Variants in IL1R2 observed in about 807,000 individuals in gnomAD.
IL1R2 encodes interleukin 1 receptor type 2.
In IL1R2, 46 loss-of-function variants were observed where a neutral mutation model predicts 39.5. That is an observed-to-expected ratio of 1.16 (90% CI 0.92 to 1.49). IL1R2 has a LOEUF of 1.49. Ranked by LOEUF, IL1R2 falls within the 40% of genes most tolerant of loss-of-function variation. The probability of loss-of-function intolerance (pLI) is 0.00; values close to 1 mark genes in which losing one functional copy is unlikely to be tolerated. For synonymous variants in IL1R2, 207 were observed against 189.6 expected, an observed-to-expected ratio of 1.09 and a Z score of -0.75; for missense variants, 537 against 502.0, an observed-to-expected ratio of 1.07 and a Z score of -0.67.
chr2:102,003,213 TCTGTGTCTGTGTCTGGCTGTGG>T (rs1264288410), intron 1 of IL1R2, among the ~76,000 whole-genome samples: 5 of 151,508 alleles, frequency 3.3e-5, no homozygotes, highest in Admixed American at 1.3e-4. Context: ...TATGTCTATA[TCTGTGTCTGTGTCTGGCTGTGG>T]CTGTGTCTGT....
chr2:102,006,336 C>T (rs922655427), intron 1 of IL1R2, among the ~76,000 whole-genome samples: 2 of 152,112 alleles, frequency 1.3e-5, no homozygotes, highest in African/African-American at 2.4e-5. Context: ...TTCAGAAACT[C>T]GTGAAGAATA....
chr2:102,009,405 C>G (rs1411499112), intron 2 of IL1R2, among the ~76,000 whole-genome samples, 157 bp from the exon 3 acceptor site: 2 of 152,136 alleles, frequency 1.3e-5, no homozygotes, highest in African/African-American at 4.8e-5. Flanking sequence ...AATAGTACCC[C>G]AGGGTGTAGG....
chr2:102,014,309 T>G (rs1420007248), intron 3 of IL1R2, among the ~76,000 whole-genome samples: 2 of 152,182 alleles, frequency 1.3e-5, no homozygotes. Context: ...TCCTACTTCA[T>G]GGGGGCTGGA....
chr2:102,026,675 A>G (rs1424150722), intron 8 of IL1R2, among the ~76,000 whole-genome samples: 3 of 152,208 alleles, frequency 2.0e-5, no homozygotes, highest in Non-Finnish European at 2.9e-5. Context: ...GGGCAGCTTT[A>G]GGGTCAAAGT....
intron 1 of IL1R2, among the ~76,000 whole-genome samples, chr2:102,001,271 G>A (rs1287234318): frequency 6.6e-6 from 1 of 152,194 alleles, no homozygotes; most frequent in East Asian, 1.9e-4. Context: ...TAGCGAGAAG[G>A]GATGTTTGCT....
intron 6 of IL1R2, 105 bp downstream of exon 6, chr2:102,022,354 G>A: frequency 3.3e-6 from 3 of 907,270 alleles, no homozygotes; most frequent in Non-Finnish European, 5.5e-6. Context: ...CCTGCTCCTT[G>A]GGTGCAATGT....
chr2:101,996,805 C>A (rs559628369), intron 1 of IL1R2, among the ~76,000 whole-genome samples: 7 of 151,252 alleles, frequency 4.6e-5, no homozygotes, highest in African/African-American at 1.7e-4. Flanking sequence ...ATAATATATA[C>A]TGCTATAATA....
At position 102,009,644 on chromosome 2, in the gene IL1R2, C is replaced by T. The variant is rs781271835; in HGVS notation, c.150C>T (p.Cys50=). The T allele has an allele frequency of 6.2e-7, 1 of 1,613,960 alleles. No individual in the cohort carries two copies. Among genetic ancestry groups the T allele is most frequent in the Non-Finnish European group, 8.5e-7 (1 of 1,179,968 alleles). ...RLEGEPVALR[C]PQVPYWLWAS... is the part of the protein sequence containing the mutation. Reference sequence around the variant, plus strand: ...AAGGGGAGCCTGTAGCCCTGAGGTGCCCCCAGGTGCCCTACTGGTTGTGGG... The same window carrying T: ...AAGGGGAGCCTGTAGCCCTGAGGTGTCCCCAGGTGCCCTACTGGTTGTGGG... Residue 50 remains cysteine (C), a synonymous_variant, in exon 3 of 9, where the codon TGC becomes TGT. Coordinates refer to ENST00000332549, the MANE Select transcript of IL1R2 (RefSeq NM_004633.4).
At chr2:102,022,322 A>G in intron 6 of IL1R2, 73 bp downstream of exon 6, 6 of 1,291,886 alleles carry the variant, frequency 4.6e-6, no homozygotes, top group Non-Finnish European at 5.6e-6. Context: ...GGGGCTTGGG[A>G]CCCTTGCGTC....
At chr2:102,023,961 A>G (rs1677557330) in intron 6 of IL1R2, among the ~76,000 whole-genome samples, 1 of 151,670 alleles carries the variant, frequency 6.6e-6, no homozygotes, top group Non-Finnish European at 1.5e-5. Flanking sequence ...AGGCAGGAGA[A>G]TGGCGTGAAC....
At chr2:101,994,992 G>A (rs1179127272) in intron 1 of IL1R2, among the ~76,000 whole-genome samples, 1 of 152,202 alleles carries the variant, frequency 6.6e-6, no homozygotes, top group African/African-American at 2.4e-5. Flanking sequence ...AGATGACTCT[G>A]GCTGATCCAT....
At chr2:102,003,811 CTGTGTCTGTGT>C (rs1355949118) in intron 1 of IL1R2, among the ~76,000 whole-genome samples, 75 of 108,066 alleles carry the variant, frequency 6.9e-4, no homozygotes, top group African/African-American at 1.4e-3. Flanking sequence ...TGTGGCTGTG[CTGTGTCTGTGT>C]CTGTGTCTGT....
chr2:102,015,870 G>T lies in IL1R2; in HGVS notation c.333-1G>T. The T allele has an allele frequency of 1.2e-6, 2 of 1,608,122 alleles. No individual in the cohort carries two copies. The highest frequency in any genetic ancestry group is 8.5e-7 in the Non-Finnish European group (1 of 1,175,574). ...TATCTTTTTTTTCCCTTTTAAATCA[G>T]AAATGCTTCTTACTGTGACAAAATG... On this transcript the variant is annotated splice_acceptor_variant, in intron 3 of 8. Transcript: ENST00000332549. LOFTEE classifies it high-confidence loss of function.
At chr2:102,000,342 C>T (rs1675791829) in intron 1 of IL1R2, among the ~76,000 whole-genome samples, 1 of 152,212 alleles carries the variant, frequency 6.6e-6, no homozygotes, top group Admixed American at 6.5e-5. Flanking sequence ...ACCTGCCCAC[C>T]ACCCTGCTGC....
rs568754902 is a variant in IL1R2 at position 102,006,941 on chromosome 2, C to T, written c.-61-1574C>T. The stretch of plus-strand genomic sequence containing the variant: ...TTTCGCCATCCCCAAAGAGGATCAT[C>T]TCCCAGGAAGCTTACTGGTCCAAGG... On this transcript the variant is annotated intron_variant, in intron 1 of 8. Transcript: ENST00000332549. 9.8e-4 allele frequency among the ~76,000 whole-genome samples: 150 copies of T among 152,344 alleles called. 3 individuals are homozygous for T. Among genetic ancestry groups the T allele is most frequent in the Middle Eastern group, 3.4e-3 (1 of 294 alleles).
intron 1 of IL1R2, among the ~76,000 whole-genome samples, chr2:101,995,152 C>T (rs374797509): frequency 6.6e-6 from 1 of 152,298 alleles, no homozygotes; most frequent in South Asian, 2.1e-4. Flanking sequence ...AAAAAGGTCA[C>T]ATGCTGGGTG....
intron 1 of IL1R2, among the ~76,000 whole-genome samples, chr2:102,004,950 T>C (rs1442191123): frequency 6.6e-6 from 1 of 152,236 alleles, no homozygotes; most frequent in East Asian, 1.9e-4. Flanking sequence ...GACAGCATTT[T>C]AGGATTCGTT....
intron 1 of IL1R2, among the ~76,000 whole-genome samples, chr2:102,000,141 G>A (rs900419280): frequency 6.6e-6 from 1 of 152,226 alleles, no homozygotes; most frequent in Admixed American, 6.5e-5. Context: ...CCTTGAGCAA[G>A]CTCCTTATCT....
intron 3 of IL1R2, among the ~76,000 whole-genome samples, chr2:102,013,273 T>C (rs1240731996): frequency 6.6e-6 from 1 of 152,076 alleles, no homozygotes; most frequent in African/African-American, 2.4e-5. Flanking sequence ...ATACTCTTTG[T>C]CAACTGTAAG....
Sources: allele counts gnomAD v4.1 joint callset (sites outside exome capture counted in the v4.1 genomes callset), GRCh38; gene constraint gnomAD v4.1.1; transcripts MANE v1.5; gene names NCBI Gene and HGNC (gene_info 2026-07-23, HGNC 2026-07-21).